Variants in MS4A4E observed in about 807,000 individuals in gnomAD.
MS4A4E encodes the protein membrane spanning 4-domains A4E, also known as putative membrane-spanning 4-domains subfamily A member 4E.
Under a neutral mutation model 13.3 loss-of-function variants are expected in MS4A4E, and 23 were observed. The observed-to-expected ratio is 1.73, with a 90% CI of 1.25 to 2.45. MS4A4E has a LOEUF of 2.45. Among genes scored for constraint, MS4A4E ranks in the 30% most tolerant of loss-of-function variants. MS4A4E has a pLI of 0.00. For missense variants in MS4A4E, 144 were observed against 131.2 expected, an observed-to-expected ratio of 1.10 and a Z score of -0.48; for synonymous variants, 36 against 45.6, an observed-to-expected ratio of 0.79 and a Z score of 0.85.
chr11:60,240,343 A>G (rs772612449), intron 1 of MS4A4E, among the ~76,000 whole-genome samples: 2 of 152,108 alleles, frequency 1.3e-5, no homozygotes, highest in African/African-American at 4.8e-5. Context: ...TATTTCTCCC[A>G]TCTCCTCGTG....
In MS4A4E at chr11:60,243,077, T is replaced by A; in HGVS notation, c.-136A>T. 1.2e-6 allele frequency: 1 copy of A among 843,532 alleles called. No homozygotes were observed. The highest frequency in any genetic ancestry group is 1.8e-6 in the Non-Finnish European group (1 of 548,350). 52.3% of individuals were successfully genotyped at this position (843,532 alleles called of 1,614,324 possible). A position where few individuals can be genotyped will look rare whatever the true frequency, so the allele number is the denominator to read the frequency against. On this transcript the variant is annotated 5_prime_UTR_variant, in exon 1 of 9. Transcript: ENST00000651255. ...CCCCCACTCCACACCTCACTCAGTT[T>A]AAATCTGCACTCCTTTTCTAGTAGA...
chr11:60,203,582 C>T (rs1373689147), intron 8 of MS4A4E, among the ~76,000 whole-genome samples: 2 of 152,018 alleles, frequency 1.3e-5, no homozygotes, highest in Non-Finnish European at 2.9e-5. Context: ...AACCTTGTCT[C>T]TACAAAAAAT....
rs568666055 is a variant in MS4A4E at position 60,200,901 on chromosome 11, C to T, written c.*642G>A. Among the ~76,000 whole-genome samples the T allele has an allele frequency of 3.4e-4, 51 of 150,022 alleles. 1 individual carries two copies. The highest frequency in any genetic ancestry group is 7.1e-3 in the Middle Eastern group (2 of 282). On this transcript the variant is annotated 3_prime_UTR_variant, in exon 9 of 9. Transcript: ENST00000651255. ...GGCACCCCTCACCTCCCGGACGGGGCGGCTGGCCGGGCGGGGGGCTGACCC... is the reference window on the plus strand; with the variant it reads ...GGCACCCCTCACCTCCCGGACGGGGTGGCTGGCCGGGCGGGGGGCTGACCC...
At chr11:60,229,390 T>A (rs971845873) in intron 2 of MS4A4E, among the ~76,000 whole-genome samples, 1 of 152,214 alleles carries the variant, frequency 6.6e-6, no homozygotes, top group African/African-American at 2.4e-5. Context: ...GGGCTAGTGA[T>A]AAACCTATAT....
Position 60,200,391 on chromosome 11 carries a change from A to G in MS4A4E, c.*1152T>C, listed in dbSNP as rs1239488274. ...TAGTGGAGGGAAGGTCAGCAGATAA[A>G]CAAGTGAACAAAGGTCTCTGGTTTT... On this transcript the variant is annotated 3_prime_UTR_variant, in exon 9 of 9. Coordinates refer to ENST00000651255, the MANE Select transcript of MS4A4E (RefSeq NM_001393391.1). 6.6e-6 allele frequency among the ~76,000 whole-genome samples: 1 copy of G among 151,972 alleles called. No homozygotes were observed. Among genetic ancestry groups the G allele is most frequent in the Non-Finnish European group, 1.5e-5 (1 of 67,922 alleles).
chr11:60,225,860 C>T (rs560488126), intron 3 of MS4A4E, among the ~76,000 whole-genome samples: 1 of 150,968 alleles, frequency 6.6e-6, no homozygotes, highest in South Asian at 2.1e-4. Context: ...CAATGAAATC[C>T]AATGCTTTTT....
intron 3 of MS4A4E, among the ~76,000 whole-genome samples, chr11:60,224,108 GC>G (rs1239669242): frequency 6.6e-6 from 1 of 151,960 alleles, no homozygotes; most frequent in Non-Finnish European, 1.5e-5. Flanking sequence ...ACATAAACCC[GC>G]CTCATAAATT....
At chr11:60,203,359 A>G (rs1216749448) in intron 8 of MS4A4E, among the ~76,000 whole-genome samples, 1 of 152,194 alleles carries the variant, frequency 6.6e-6, no homozygotes, top group Admixed American at 6.5e-5. Flanking sequence ...TAAGGTAGGT[A>G]CTATTGTAAT....
chr11:60,218,091 A>G (rs2084219363), intron 3 of MS4A4E, among the ~76,000 whole-genome samples: 1 of 152,154 alleles, frequency 6.6e-6, no homozygotes, highest in Non-Finnish European at 1.5e-5. Context: ...AGGCCTATAA[A>G]TGGCCCCCCA....
At chr11:60,224,330 A>G (rs368781663) in intron 3 of MS4A4E, among the ~76,000 whole-genome samples, 3 of 152,168 alleles carry the variant, frequency 2.0e-5, no homozygotes, top group East Asian at 1.9e-4. Flanking sequence ...TAAGGTAACA[A>G]TTTCCTGAGA....
chr11:60,213,140 G>T lies in MS4A4E; in HGVS notation c.223-8C>A. On this transcript the variant is annotated splice_region_variant and splice_polypyrimidine_tract_variant and intron_variant, in intron 4 of 8. Transcript: ENST00000651255. ...TCCTAGACTACCTCCAACCTAGAAA[G>T]AAATGAAAATTAATTAAGCAATCCA... The T allele has an allele frequency of 1.3e-6, 1 of 748,484 alleles. No individual in the cohort carries two copies. The allele number at this position is 748,484 out of a possible 1,614,324, so 46.4% of individuals were successfully genotyped here.
intron 3 of MS4A4E, among the ~76,000 whole-genome samples, chr11:60,227,405 G>A (rs1394443724): frequency 1.3e-5 from 2 of 152,072 alleles, no homozygotes; most frequent in Admixed American, 1.3e-4. Context: ...CAAAAAGTTA[G>A]CCAGGCATAG....
At chr11:60,215,920 G>A (rs2084186152) in intron 3 of MS4A4E, among the ~76,000 whole-genome samples, 2 of 151,964 alleles carry the variant, frequency 1.3e-5, no homozygotes, top group Non-Finnish European at 2.9e-5. Flanking sequence ...TTTGAAGATA[G>A]GATTGAAAAA....
At chr11:60,218,081 AG>A (rs1482888214) in intron 3 of MS4A4E, among the ~76,000 whole-genome samples, 1 of 152,210 alleles carries the variant, frequency 6.6e-6, no homozygotes, top group Non-Finnish European at 1.5e-5. Context: ...CTGGGGGTAT[AG>A]GCCTATAAAT....
chr11:60,210,544 T>A (rs1028839796), intron 5 of MS4A4E, among the ~76,000 whole-genome samples: 1 of 152,286 alleles, frequency 6.6e-6, no homozygotes, highest in African/African-American at 2.4e-5. Context: ...TTCTGCCTAA[T>A]GATTCCGGGT....
chr11:60,201,646 A>G lies in MS4A4E; in HGVS notation c.893T>C (p.Leu298Pro), dbSNP rs1392173590. Reference protein sequence around the residue: ...WLPSLESEERLCPAAIPSRKW... With the variant: ...WLPSLESEERPCPAAIPSRKW... ...CCTAGATGGGATGGCAGCCGGGCAG[A>G]GACGCTCCTCACTTTCCAGACTGGG... The change falls in exon 9 of 9, where the codon CTC becomes CCC. Residue 298 changes from leucine to proline, a missense_variant. Around this residue, in one of 3 missense-constraint regions of MS4A4E, gnomAD observed 21 missense variants for 25.1 expected, o/e 0.84. Coordinates refer to ENST00000651255, the MANE Select transcript of MS4A4E (RefSeq NM_001393391.1). 14 of 306,894 alleles carry G rather than the reference A, an allele frequency of 4.6e-5. No individual in the cohort carries two copies. The highest frequency in any genetic ancestry group is 1.3e-5 in the Non-Finnish European group (2 of 152,222). The allele number at this position is 306,894 out of a possible 1,614,324, so 19.0% of individuals were successfully genotyped here. A position where few individuals can be genotyped will look rare whatever the true frequency, so the allele number is the denominator to read the frequency against.
chr11:60,211,030 A>ACAGG (rs2084114252), intron 5 of MS4A4E, among the ~76,000 whole-genome samples: 1 of 152,242 alleles, frequency 6.6e-6, no homozygotes, highest in African/African-American at 2.4e-5. Flanking sequence ...GAGTAACTGC[A>ACAGG]CAGGTCCCAT....
chr11:60,225,063 G>T (rs752085691), intron 3 of MS4A4E: 1 of 1,561,254 alleles, frequency 6.4e-7, no homozygotes, highest in Non-Finnish European at 8.6e-7. Flanking sequence ...CCCATGCTAA[G>T]GCTCATCAAG....
At chr11:60,208,562 C>T in intron 6 of MS4A4E, 31 bp downstream of exon 6, 1 of 816,976 alleles carries the variant, frequency 1.2e-6, no homozygotes, top group Non-Finnish European at 2.0e-6. Context: ...AAAAGTAATA[C>T]AGATACCTTC....
Sources: allele counts gnomAD v4.1 joint callset (sites outside exome capture counted in the v4.1 genomes callset), GRCh38; gene constraint gnomAD v4.1.1; regional missense constraint gnomAD v4.1.1; transcripts MANE v1.5; gene names NCBI Gene and HGNC (gene_info 2026-07-23, HGNC 2026-07-21).